Variants in FLNA observed in about 807,000 individuals in gnomAD.
FLNA encodes the protein filamin-A.
FLNA carries 7 observed loss-of-function variants against 157.6 expected under a neutral mutation model. That is an observed-to-expected ratio of 0.04 (90% CI 0.03 to 0.08). The LOEUF is 0.08. Among genes scored for constraint, FLNA ranks in the 10% least tolerant of loss-of-function variants. The probability of loss-of-function intolerance (pLI) is 1.00; values close to 1 mark genes in which losing one functional copy is unlikely to be tolerated. For synonymous variants in FLNA, 1,103 were observed against 1,060.8 expected (o/e 1.04, Z -0.77); for missense variants, 1,750 against 2,398.4 (o/e 0.73, Z 5.65).
At chrX:154,367,770 G>T (rs1416574891) in intron 3 of FLNA, 32 bp from the exon 4 acceptor site, 1 of 1,210,463 alleles carries the variant, frequency 8.3e-7, no homozygotes, top group Non-Finnish European at 1.1e-6. Context: ...GAGTCTGGGG[G>T]CCGCAGAACC....
intron 15 of FLNA, among the ~76,000 whole-genome samples, chrX:154,363,585 C>T (rs1201505721): frequency 9.1e-6 from 1 of 109,533 alleles, no homozygotes; most frequent in Non-Finnish European, 1.9e-5. Flanking sequence ...GGGTGGCGGG[C>T]GCCTGTAGTC....
rs1267808793 is a variant in FLNA at position 154,353,122 on chromosome X, G to A, written c.6105C>T (p.Ile2035=). 1.7e-6 allele frequency: 2 copies of A among 1,210,028 alleles called. No individual in the cohort carries two copies. The highest frequency in any genetic ancestry group is 2.2e-6 in the Non-Finnish European group (2 of 895,125). The part of the protein sequence containing the change: ...KNGQHVASSP[I]PVVISQSEIG... ...TTTCCGACTGGCTGATCACCACCGG[G>A]ATGGGGCTGCTGGCCACGTGCTGGC... Residue 2035 remains isoleucine, a synonymous_variant, in exon 38 of 48, where the codon ATC becomes ATT. Coordinates refer to ENST00000369850, the MANE Select transcript of FLNA (RefSeq NM_001110556.2).
In FLNA at chrX:154,362,497, T is replaced by C. The variant is rs782717571; in HGVS notation, c.2486A>G (p.Asn829Ser). Reference protein sequence around the residue: ...EADIDFDIIRNDNDTFTVKYT... With the variant: ...EADIDFDIIRSDNDTFTVKYT... ...CTTGACCGTGAAGGTGTCATTGTCA[T>C]TGCGGATGATGTCGAAGTCGATGTC... Residue 829 changes from asparagine (N) to serine (S), a missense_variant, in exon 17 of 48, where the codon AAT (asparagine) becomes AGT (serine). This residue lies in a region of FLNA where 648 missense variants were observed against 805.8 expected (regional missense o/e 0.80). Transcript: ENST00000369850. 3.3e-6 allele frequency: 4 copies of C among 1,211,392 alleles called. No individual in the cohort carries two copies. The highest frequency in any genetic ancestry group is 2.2e-6 in the Non-Finnish European group (2 of 895,342).
At chrX:154,358,886 G>C in intron 26 of FLNA, 98 bp downstream of exon 26, 1 of 985,413 alleles carries the variant, frequency 1.0e-6, no homozygotes, top group Non-Finnish European at 1.4e-6. Flanking sequence ...CACCACCTCT[G>C]CACTCTGGTC....
chrX:154,370,726 C>T, intron 2 of FLNA, 147 bp downstream of exon 2: 2 of 633,819 alleles, frequency 3.2e-6, no homozygotes, highest in Non-Finnish European at 4.7e-6. Flanking sequence ...CTTTGTTCTG[C>T]AGGCCCGCGT....
At chrX:154,364,468 C>A in intron 13 of FLNA, 58 bp downstream of exon 13, 1 of 1,195,737 alleles carries the variant, frequency 8.4e-7, no homozygotes, top group South Asian at 1.8e-5. Flanking sequence ...GCCATCCCCA[C>A]CAGACCCCAA....
At chrX:154,361,101 A>T (rs2067706668) in intron 21 of FLNA, among the ~76,000 whole-genome samples, 1 of 102,146 alleles carries the variant, frequency 9.8e-6, no homozygotes, top group East Asian at 3.0e-4. Context: ...AAAAAAAAGA[A>T]ATTCTTCAAC....
At chrX:154,369,108 G>C (rs782182308) in intron 2 of FLNA, among the ~76,000 whole-genome samples, 1 of 112,604 alleles carries the variant, frequency 8.9e-6, no homozygotes, top group South Asian at 3.6e-4. Context: ...TAGGGGGCGG[G>C]CCTATGAGGA....
intron 9 of FLNA, 61 bp from the exon 10 acceptor site, chrX:154,365,547 C>G (rs782072170): frequency 1.7e-6 from 2 of 1,169,811 alleles, no homozygotes; most frequent in Middle Eastern, 2.7e-4. Context: ...TCCCTTGCCT[C>G]CCACAGGGCC....
At chrX:154,365,514 C>T in intron 9 of FLNA, 28 bp from the exon 10 acceptor site, 1 of 1,206,652 alleles carries the variant, frequency 8.3e-7, no homozygotes. Flanking sequence ...AGCTGAGCAC[C>T]AGCAGCTCGG....
chrX:154,362,010 G>T lies in FLNA; in HGVS notation c.2795C>A (p.Thr932Asn). The T allele has an allele frequency of 1.7e-6, 2 of 1,211,271 alleles. No individual in the cohort carries two copies. The highest frequency in any genetic ancestry group is 1.7e-5 in the African/African-American group (1 of 57,725). ...GACAGGCGTGTACTTGACTGTGTAG[G>T]TGTTGTCATGGTGGTCGATGATGTC... ...DVDIIDHHDN[T>N]YTVKYTPVQQ... is the part of the protein sequence containing the mutation. Residue 932 changes from threonine to asparagine, a missense_variant, in exon 19 of 48, where the codon ACC becomes AAC. By Grantham distance (65) the Thr-to-Asn change is moderately conservative. Around this residue, in one of 5 missense-constraint regions of FLNA, gnomAD observed 648 missense variants for 805.8 expected, o/e 0.80. Transcript: ENST00000369850.
In FLNA at chrX:154,368,196, G is replaced by C. The variant is rs2067777658; in HGVS notation, c.374-106C>G. ...AGCACGGGGTAGCAGGGGCCAAGGA[G>C]GAGGTAGACACCCCCTCTTGGCCAG... On this transcript the variant is annotated intron_variant, in intron 2 of 47. Transcript: ENST00000369850. 2.8e-6 allele frequency: 3 copies of C among 1,077,687 alleles called. No homozygotes were observed. The South Asian group carries it at 5.6e-5, about 20-fold the overall frequency. The allele number at this position is 1,077,687 out of a possible 1,213,427, so 88.8% of individuals were successfully genotyped here. A position where few individuals can be genotyped will look rare whatever the true frequency, so the allele number is the denominator to read the frequency against.
Position 154,360,228 on chromosome X carries a change from G to A in FLNA, c.3567C>T (p.Gly1189=). Residue 1189 remains glycine (G), a synonymous_variant, in exon 22 of 48, where the codon GGC becomes GGT. Coordinates refer to ENST00000369850, the MANE Select transcript of FLNA (RefSeq NM_001110556.2). ...AGATCTCAATGGTCAGCTCCGCGCT[G>A]CCCGCGCTCGAGCAGTCCACTTGGA... ...GQFQVDCSSA[G]SAELTIEICS... is the part of the protein sequence containing the mutation. The A allele has an allele frequency of 8.3e-7, 1 of 1,211,623 alleles. No homozygotes were observed. Among genetic ancestry groups the A allele is most frequent in the Non-Finnish European group, 1.1e-6 (1 of 895,532 alleles).
chrX:154,371,398 G>A, intron 1 of FLNA, 37 bp from the exon 2 acceptor site: 1 of 712,871 alleles, frequency 1.4e-6, no homozygotes, highest in Non-Finnish European at 2.0e-6. Flanking sequence ...GCGGGAGGAG[G>A]GCGGGGCCAG....
rs1057522722 is a variant in FLNA, at chrX:154,352,037, T to C, written c.6770-16A>G. On this transcript the variant is annotated splice_polypyrimidine_tract_variant and intron_variant, in intron 41 of 47. Transcript: ENST00000369850. ...CTGAATTCGGCTGTGGGAGAACAGTTTGTCCTCACTGAAGGCTGCTTCACC... is the reference window on the plus strand; with the variant it reads ...CTGAATTCGGCTGTGGGAGAACAGTCTGTCCTCACTGAAGGCTGCTTCACC... The C allele has an allele frequency of 1.2e-5, 14 of 1,210,103 alleles. No homozygotes were observed. Among genetic ancestry groups the C allele is most frequent in the Non-Finnish European group, 1.5e-5 (13 of 895,201 alleles).
chrX:154,350,005 ACGT>A (rs782070678), intron 45 of FLNA, 23 bp downstream of exon 45: 168 of 1,206,309 alleles, frequency 1.4e-4, no homozygotes, highest in Non-Finnish European at 1.8e-4. Context: ...CTGTGTGCAC[ACGT>A]GCAGCCGCAC....
chrX:154,355,920 G>A (rs192596021), intron 30 of FLNA, among the ~76,000 whole-genome samples: 53 of 112,869 alleles, frequency 4.7e-4, no homozygotes, highest in African/African-American at 1.6e-3. Flanking sequence ...CTCCTGCCAG[G>A]GAAGCAGCCA....
In FLNA at chrX:154,354,203, G is replaced by A. The variant is rs782568386; in HGVS notation, c.5505C>T (p.Ser1835=). 14 of 1,211,576 alleles carry A rather than the reference G, an allele frequency of 1.2e-5. No homozygotes were observed. Among genetic ancestry groups the A allele is most frequent in the East Asian group, 5.9e-5 (2 of 33,864 alleles). The stretch of plus-strand genomic sequence containing the variant: ...TGTCCATCTCGTGCAGGCCAGCCTC[G>A]CTGGGTGCATACCGCACGGTCACGG... ...DGTVTVRYAP[S]EAGLHEMDIR... Residue 1835 remains serine (S), a synonymous_variant, in exon 34 of 48, where the codon AGC becomes AGT. Transcript: ENST00000369850.
At chrX:154,361,923 A>G (rs2067714449) in intron 19 of FLNA, 56 bp downstream of exon 19, 1 of 1,165,700 alleles carries the variant, frequency 8.6e-7, no homozygotes, top group East Asian at 3.0e-5. Context: ...GCTGTCCCCT[A>G]GGCTGCTGCA....
Sources: gnomAD v4.1 joint callset for allele counts (sites outside exome capture counted in the v4.1 genomes callset) on GRCh38, gnomAD v4.1.1 for gene constraint, gnomAD v4.1.1 regional missense constraint, MANE v1.5 for transcripts, NCBI Gene and HGNC (gene_info 2026-07-23, HGNC 2026-07-21) for gene names.